Variants in TTLL5 observed in about 807,000 individuals in gnomAD.
The protein encoded by TTLL5 is tubulin tyrosine ligase like 5, also known as tubulin polyglutamylase TTLL5.
In TTLL5, 132 loss-of-function variants were observed where a neutral mutation model predicts 168.4. The observed-to-expected ratio is 0.78, with a 90% CI of 0.68 to 0.91. The LOEUF (loss-of-function observed/expected upper bound fraction) is 0.91. Ranked by LOEUF, TTLL5 falls within the 40% of genes least tolerant of loss-of-function variation. The pLI is 0.00. For missense variants in TTLL5, 1,545 were observed against 1,581.5 expected, an observed-to-expected ratio of 0.98 and a Z score of 0.39; for synonymous variants, 546 against 558.6, an observed-to-expected ratio of 0.98 and a Z score of 0.32.
In TTLL5 at chr14:75,724,154, T is replaced by G. The variant is rs534532471; in HGVS notation, c.1042+3451T>G. On this transcript the variant is annotated intron_variant, in intron 12 of 31. Coordinates refer to ENST00000298832, the MANE Select transcript of TTLL5 (RefSeq NM_015072.5). ...GGGTTCGCTATATTCTTTTGGTGGT[T>G]GTTCCTGTCCTTCCATCTTATGGAT... Among the ~76,000 whole-genome samples the G allele has an allele frequency of 3.9e-4, 60 of 152,300 alleles. No individual in the cohort carries two copies. The South Asian group carries it at 1.0e-2, about 25-fold the overall frequency.
At chr14:75,845,295 A>G (rs533979847) in intron 28 of TTLL5, among the ~76,000 whole-genome samples, 1 of 152,300 alleles carries the variant, frequency 6.6e-6, no homozygotes, top group South Asian at 2.1e-4. Context: ...AATGATAAAG[A>G]TGAATAGTAT....
intron 18 of TTLL5, among the ~76,000 whole-genome samples, chr14:75,754,947 G>A (rs756777932): frequency 4.0e-5 from 6 of 151,846 alleles, no homozygotes; most frequent in Non-Finnish European, 5.9e-5. Flanking sequence ...TGCTTATGAA[G>A]CATTCTAAAA....
At chr14:75,810,695 C>A (rs1378517948) in intron 27 of TTLL5, among the ~76,000 whole-genome samples, 1 of 152,180 alleles carries the variant, frequency 6.6e-6, no homozygotes, top group African/African-American at 2.4e-5. Context: ...ATTTTCTTCT[C>A]CATTTCGATA....
At chr14:75,807,954 T>C (rs940454928) in intron 27 of TTLL5, among the ~76,000 whole-genome samples, 1 of 152,222 alleles carries the variant, frequency 6.6e-6, no homozygotes, top group African/African-American at 2.4e-5. Context: ...ATCAGTTATT[T>C]GTTGGGCAAA....
At chr14:75,698,922 A>G (rs1228460434) in intron 6 of TTLL5, among the ~76,000 whole-genome samples, 2 of 151,986 alleles carry the variant, frequency 1.3e-5, no homozygotes, top group African/African-American at 4.8e-5. Flanking sequence ...AAAAAAAAGA[A>G]AAGGAAAGAG....
intron 26 of TTLL5, among the ~76,000 whole-genome samples, chr14:75,786,136 A>G (rs1032927643): frequency 4.6e-5 from 7 of 152,226 alleles, no homozygotes; most frequent in African/African-American, 1.7e-4. Context: ...AATAAGTCAT[A>G]AATATGAATA....
intron 30 of TTLL5, among the ~76,000 whole-genome samples, chr14:75,901,516 TTATTGACAC>T (rs1476156296): frequency 6.6e-6 from 1 of 152,230 alleles, no homozygotes; most frequent in Admixed American, 6.5e-5. Context: ...AGTCTTGCGA[TTATTGACAC>T]CATGGAGTAG....
intron 31 of TTLL5, among the ~76,000 whole-genome samples, chr14:75,924,003 ATT>A (rs1424369802): frequency 1.4e-5 from 2 of 146,588 alleles, no homozygotes; most frequent in African/African-American, 5.0e-5. Context: ...TTTAAAGTCT[ATT>A]TTGTCTATGT....
chr14:75,748,598 C>T (rs920263740), intron 17 of TTLL5, among the ~76,000 whole-genome samples: 49 of 152,142 alleles, frequency 3.2e-4, no homozygotes, highest in African/African-American at 9.9e-4. Flanking sequence ...ATTTCAGATC[C>T]GTTGCTGAAG....
At chr14:75,744,210 T>C (rs17103645) in intron 15 of TTLL5, among the ~76,000 whole-genome samples, 37,095 of 152,134 alleles carry the variant, frequency 0.24, 4,808 homozygotes, top group East Asian at 0.47. Context: ...CCCATGTGGG[T>C]GAATTCTTTC....
intron 15 of TTLL5, chr14:75,737,701 T>G (rs1888996039): frequency 2.3e-6 from 3 of 1,281,500 alleles, no homozygotes; most frequent in Admixed American, 2.4e-5. Context: ...GTACATATTT[T>G]TATGTACCTA....
intron 28 of TTLL5, among the ~76,000 whole-genome samples, chr14:75,857,495 G>A (rs929276467): frequency 2.0e-5 from 3 of 152,028 alleles, no homozygotes; most frequent in Non-Finnish European, 4.4e-5. Context: ...AAGACCAAAA[G>A]AAAGTAATTT....
chr14:75,792,871 G>T, intron 26 of TTLL5, 45 bp from the exon 27 acceptor site: 2 of 1,488,492 alleles, frequency 1.3e-6, no homozygotes, highest in Non-Finnish European at 9.0e-7. Context: ...TTTTTTTCAG[G>T]CCTTTTTTTC....
At chr14:75,896,579 C>G (rs1181283843) in intron 30 of TTLL5, among the ~76,000 whole-genome samples, 2 of 152,082 alleles carry the variant, frequency 1.3e-5, no homozygotes, top group Non-Finnish European at 2.9e-5. Flanking sequence ...TATACTAAAC[C>G]ATTGAAATAG....
intron 1 of TTLL5, among the ~76,000 whole-genome samples, chr14:75,662,806 C>G (rs773461543): frequency 6.6e-6 from 1 of 152,092 alleles, no homozygotes; most frequent in Non-Finnish European, 1.5e-5. Context: ...ATGAGAAACT[C>G]AAACTTAGTA....
chr14:75,939,049 T>C (rs2034517710), intron 31 of TTLL5, among the ~76,000 whole-genome samples: 1 of 152,162 alleles, frequency 6.6e-6, no homozygotes, highest in Non-Finnish European at 1.5e-5. Context: ...TAACTTTGCG[T>C]TGGTTATTTG....
intron 31 of TTLL5, among the ~76,000 whole-genome samples, chr14:75,942,476 G>T (rs954305287): frequency 2.0e-5 from 3 of 152,116 alleles, no homozygotes; most frequent in Non-Finnish European, 4.4e-5. Context: ...ACTTAAGAGT[G>T]TAGCAGTGAA....
At chr14:75,666,143 G>A (rs553209638) in intron 2 of TTLL5, among the ~76,000 whole-genome samples, 1 of 152,226 alleles carries the variant, frequency 6.6e-6, no homozygotes, top group African/African-American at 2.4e-5. Context: ...AATCAATCTT[G>A]TTCACACCTG....
chr14:75,707,511 G>A (rs994218823), intron 8 of TTLL5, 112 bp from the exon 9 acceptor site: 3 of 813,428 alleles, frequency 3.7e-6, no homozygotes, highest in Non-Finnish European at 5.8e-6. Context: ...TGTGTTTCAT[G>A]TGGAGTGTAG....
Sources: gnomAD v4.1 joint callset for allele counts (sites outside exome capture counted in the v4.1 genomes callset) on GRCh38, gnomAD v4.1.1 for gene constraint, MANE v1.5 for transcripts, NCBI Gene and HGNC (gene_info 2026-07-23, HGNC 2026-07-21) for gene names.